The following KLRG1 variants were observed in gnomAD, a reference collection of about 807,000 sequenced individuals.
The protein encoded by KLRG1 is killer cell lectin like receptor G1, also known as killer cell lectin-like receptor subfamily G member 1.
Under a neutral mutation model 21.8 loss-of-function variants are expected in KLRG1, and 16 were observed. That is an observed-to-expected ratio of 0.73 (90% CI 0.50 to 1.11). KLRG1 has a LOEUF of 1.11. Ranked by LOEUF, KLRG1 falls within the 50% of genes most tolerant of loss-of-function variation. The pLI is 0.00. For synonymous variants in KLRG1, 69 were observed against 75.9 expected (o/e 0.91, Z 0.47); for missense variants, 173 against 218.3 (o/e 0.79, Z 1.31).
chr12:9,008,879 A>T, intron 3 of KLRG1, 96 bp from the exon 4 acceptor site: 1 of 769,462 alleles, frequency 1.3e-6, no homozygotes, highest in Non-Finnish European at 2.2e-6. Context: ...TCTTTTAATT[A>T]ATTACTTAAC....
At chr12:9,102,187 C>T in the KLRG1 span, among the ~76,000 whole-genome samples, 1 of 152,034 alleles carries the variant, frequency 6.6e-6, no homozygotes, top group Non-Finnish European at 1.5e-5. Context: ...CTGAAGTCTA[C>T]CTCTTCTGGG....
chr12:9,092,878 T>C, the KLRG1 span, among the ~76,000 whole-genome samples: 1 of 152,202 alleles, frequency 6.6e-6, no homozygotes, highest in Non-Finnish European at 1.5e-5. Context: ...TCTGGGTGAA[T>C]GGATAAATAA....
the KLRG1 span, chr12:9,089,321 C>T: frequency 9.1e-7 from 1 of 1,101,860 alleles, no homozygotes; most frequent in Non-Finnish European, 1.4e-6. Flanking sequence ...AATGGAGGGA[C>T]CACAGATATT....
the KLRG1 span, among the ~76,000 whole-genome samples, chr12:9,198,552 A>G: frequency 8.5e-5 from 13 of 152,158 alleles, no homozygotes; most frequent in African/African-American, 2.9e-4. Context: ...CACAGAGAAG[A>G]GAAGGGAGAG....
chr12:9,209,218 G>T, the KLRG1 span, among the ~76,000 whole-genome samples: 1 of 152,044 alleles, frequency 6.6e-6, no homozygotes, highest in Non-Finnish European at 1.5e-5. Flanking sequence ...GCAGACATTG[G>T]TGTCTGTTTA....
the KLRG1 span, chr12:9,157,737 G>A: frequency 6.3e-7 from 1 of 1,585,192 alleles, no homozygotes; most frequent in Admixed American, 1.7e-5. Context: ...CAGTTTTCAT[G>A]GTAGGGAATG....
At chr12:9,062,190 G>A in the KLRG1 span, among the ~76,000 whole-genome samples, 1 of 138,014 alleles carries the variant, frequency 7.2e-6, no homozygotes, top group African/African-American at 2.7e-5. Flanking sequence ...TAATATATCT[G>A]ATATATTTAT....
chr12:9,079,493 T>C, the KLRG1 span: 1 of 1,036,522 alleles, frequency 9.6e-7, no homozygotes, highest in Non-Finnish European at 1.4e-6. Context: ...GGTTGGAGAG[T>C]GGATAGTTTC....
chr12:9,007,148 C>A (rs146142753), intron 3 of KLRG1, among the ~76,000 whole-genome samples: 12 of 152,296 alleles, frequency 7.9e-5, no homozygotes, highest in South Asian at 2.1e-4. Context: ...AGGACTGAAA[C>A]CCAGTGAAGA....
At chr12:9,105,557 G>T in the KLRG1 span, among the ~76,000 whole-genome samples, 2 of 152,154 alleles carry the variant, frequency 1.3e-5, no homozygotes, top group Admixed American at 1.3e-4. Flanking sequence ...TGAGGCACAT[G>T]TAACTGTGAT....
the KLRG1 span, among the ~76,000 whole-genome samples, chr12:9,034,492 C>T: frequency 1.4e-4 from 21 of 152,102 alleles, no homozygotes; most frequent in South Asian, 4.4e-3. Context: ...GTCACCCAGG[C>T]TGGAGTGCAA....
At chr12:9,163,562 C>A in the KLRG1 span, 3 of 1,269,842 alleles carry the variant, frequency 2.4e-6, no homozygotes, top group South Asian at 3.1e-5. Context: ...ATTAGTCTTA[C>A]AGGATGTATT....
the KLRG1 span, among the ~76,000 whole-genome samples, chr12:9,146,036 G>T: frequency 1.3e-5 from 2 of 152,056 alleles, no homozygotes; most frequent in African/African-American, 4.8e-5. Context: ...ATCTTACTTA[G>T]TTATTTTTGA....
At chr12:9,154,816 G>T in the KLRG1 span, 3 of 1,614,112 alleles carry the variant, frequency 1.9e-6, no homozygotes, top group Non-Finnish European at 2.5e-6. Context: ...GGTCTCTGAG[G>T]GCGCTCCCAA....
chr12:9,106,244 A>G, the KLRG1 span: 38 of 1,607,058 alleles, frequency 2.4e-5, no homozygotes, highest in Non-Finnish European at 3.2e-5. Flanking sequence ...ACCTGCCCAA[A>G]GAAGGGAATT....
chr12:8,986,008 G>A (rs1057215545), upstream of KLRG1, among the ~76,000 whole-genome samples: 1 of 152,106 alleles, frequency 6.6e-6, no homozygotes, highest in Non-Finnish European at 1.5e-5. Context: ...TCCCCTTGGG[G>A]CCTGACACAC....
chr12:9,194,749 C>T, the KLRG1 span, among the ~76,000 whole-genome samples: 3 of 152,100 alleles, frequency 2.0e-5, no homozygotes, highest in East Asian at 1.9e-4. Flanking sequence ...CAGGCGTGAG[C>T]CACCGTGCCC....
chr12:9,107,021 G>A, the KLRG1 span, among the ~76,000 whole-genome samples: 1 of 152,198 alleles, frequency 6.6e-6, no homozygotes, highest in Non-Finnish European at 1.5e-5. Context: ...AATAGTTCAA[G>A]TCCTGTCCAC....
upstream of KLRG1, chr12:8,987,396 G>A (rs1946861174): frequency 6.6e-6 from 1 of 152,230 alleles, no homozygotes; most frequent in African/African-American, 2.4e-5. Flanking sequence ...AAAGCCACTT[G>A]AGGATATAGT....
Sources: gnomAD v4.1 joint callset for allele counts (sites outside exome capture counted in the v4.1 genomes callset) on GRCh38, gnomAD v4.1.1 for gene constraint, MANE v1.5 for transcripts, NCBI Gene and HGNC (gene_info 2026-07-23, HGNC 2026-07-21) for gene names.